CPA6: variants seen among roughly 807,000 people sequenced by gnomAD.
The protein encoded by CPA6 is carboxypeptidase A6, also known as carboxypeptidase B.
CPA6 carries 58 observed loss-of-function variants against 63.3 expected under a neutral mutation model. The observed-to-expected ratio is 0.92, with a 90% CI of 0.74 to 1.14. The LOEUF (loss-of-function observed/expected upper bound fraction) is 1.14, where lower values mean the gene tolerates loss of function less well. Among genes scored for constraint, CPA6 ranks in the 50% most tolerant of loss-of-function variants. The pLI, the probability that CPA6 is intolerant of heterozygous loss-of-function variation, is 0.00. For synonymous variants in CPA6, 185 were observed against 179.0 expected (o/e 1.03, Z -0.27); for missense variants, 565 against 526.6 (o/e 1.07, Z -0.71).
At chr8:67,462,064 T>G (rs1350910540) in intron 8 of CPA6, among the ~76,000 whole-genome samples, 1 of 152,108 alleles carries the variant, frequency 6.6e-6, no homozygotes, top group Non-Finnish European at 1.5e-5. Context: ...GAATGGCCAA[T>G]GGACATACAT....
rs186593810 is a variant in CPA6, at chr8:67,571,722, C to T, written c.192+52454G>A. 4.6e-4 allele frequency among the ~76,000 whole-genome samples: 70 copies of T among 152,042 alleles called. 1 individual carries two copies. The highest frequency in any genetic ancestry group is 2.5e-3 in the Admixed American group (38 of 15,274). The stretch of plus-strand genomic sequence containing the variant: ...GTAAGAGGAAAGTTTGTAGCAAAAA[C>T]GCCTACATCAAAAGAGAAGAATGTT... On this transcript the variant is annotated intron_variant, in intron 2 of 10. Coordinates refer to ENST00000297770, the MANE Select transcript of CPA6 (RefSeq NM_020361.5).
intron 2 of CPA6, among the ~76,000 whole-genome samples, chr8:67,552,406 C>T (rs1200681196): frequency 6.6e-6 from 1 of 152,130 alleles, no homozygotes; most frequent in African/African-American, 2.4e-5. Flanking sequence ...AGTATAGGTG[C>T]TCAATATATA....
chr8:67,598,296 G>A (rs1263843306), intron 2 of CPA6, among the ~76,000 whole-genome samples: 1 of 152,046 alleles, frequency 6.6e-6, no homozygotes, highest in Non-Finnish European at 1.5e-5. Context: ...TTATTACCTT[G>A]CTTGCTTTTT....
chr8:67,682,000 G>GA (rs901054440), intron 1 of CPA6, among the ~76,000 whole-genome samples: 15 of 152,110 alleles, frequency 9.9e-5, no homozygotes, highest in African/African-American at 3.4e-4. Context: ...AATTCAGGGG[G>GA]AAAAAACCTG....
At chr8:67,712,951 A>G (rs753867869) in intron 1 of CPA6, among the ~76,000 whole-genome samples, 10 of 151,180 alleles carry the variant, frequency 6.6e-5, no homozygotes, top group African/African-American at 2.2e-4. Context: ...CCCTTATTTC[A>G]CTCAATAATA....
chr8:67,580,294 C>CGAGAGG, intron 2 of CPA6, among the ~76,000 whole-genome samples: 1 of 152,270 alleles, frequency 6.6e-6, no homozygotes, highest in Non-Finnish European at 1.5e-5. Flanking sequence ...GGAAGTGGTA[C>CGAGAGG]GAGAGGGTGG....
intron 1 of CPA6, among the ~76,000 whole-genome samples, chr8:67,665,778 C>T (rs1816213762): frequency 1.3e-5 from 2 of 152,128 alleles, no homozygotes; most frequent in South Asian, 2.1e-4. Flanking sequence ...TCCAAAAGCT[C>T]GGGGTATAAT....
At chr8:67,548,418 AT>A (rs1812870480) in intron 2 of CPA6, among the ~76,000 whole-genome samples, 1 of 150,370 alleles carries the variant, frequency 6.7e-6, no homozygotes, top group Non-Finnish European at 1.5e-5. Context: ...TGCCTGGCTA[AT>A]ATTTTTTTTG....
intron 6 of CPA6, among the ~76,000 whole-genome samples, chr8:67,501,832 A>G (rs1400076958): frequency 6.6e-6 from 1 of 152,174 alleles, no homozygotes; most frequent in East Asian, 1.9e-4. Context: ...TTCTTTAAAC[A>G]TTTGGTAGAA....
Position 67,598,514 on chromosome 8 carries a change from C to T in CPA6, c.192+25662G>A, listed in dbSNP as rs1445972890. 2.6e-5 allele frequency among the ~76,000 whole-genome samples: 4 copies of T among 151,966 alleles called. No homozygotes were observed. In the South Asian group the frequency reaches 6.2e-4, roughly 24 times the overall value. ...TGGAAAAACAAAATTTTCACTTTTC[C>T]TATTTAGCAAGTAACAATCGCTACT... On this transcript the variant is annotated intron_variant, in intron 2 of 10. Coordinates refer to ENST00000297770, the MANE Select transcript of CPA6 (RefSeq NM_020361.5).
chr8:67,534,003 T>C (rs1812531359), intron 2 of CPA6, among the ~76,000 whole-genome samples: 1 of 152,174 alleles, frequency 6.6e-6, no homozygotes, highest in South Asian at 2.1e-4. Flanking sequence ...AGTTCTTGAA[T>C]GGTAAGGAAT....
intron 2 of CPA6, among the ~76,000 whole-genome samples, chr8:67,610,689 A>C (rs916878744): frequency 2.0e-5 from 3 of 152,172 alleles, no homozygotes; most frequent in Non-Finnish European, 2.9e-5. Context: ...TTCCCCATCC[A>C]GGCTCCCTTC....
At chr8:67,523,452 C>T (rs945583131) in intron 2 of CPA6, among the ~76,000 whole-genome samples, 2 of 152,106 alleles carry the variant, frequency 1.3e-5, no homozygotes, top group African/African-American at 2.4e-5. Context: ...TAGTGTGAAC[C>T]TGGGAGGCAG....
At chr8:67,463,464 A>G (rs1411231527) in intron 8 of CPA6, among the ~76,000 whole-genome samples, 1 of 137,112 alleles carries the variant, frequency 7.3e-6, no homozygotes, top group East Asian at 2.1e-4. Context: ...ATAAATAAAT[A>G]AATAAATAAA....
chr8:67,615,924 G>A (rs549937658), intron 2 of CPA6, among the ~76,000 whole-genome samples: 29 of 152,330 alleles, frequency 1.9e-4, no homozygotes, highest in African/African-American at 5.8e-4. Flanking sequence ...GAGCTAAGGC[G>A]CTTAGGTGAG....
chr8:67,650,298 A>G (rs1815806628), intron 1 of CPA6, among the ~76,000 whole-genome samples: 1 of 152,146 alleles, frequency 6.6e-6, no homozygotes, highest in Admixed American at 6.5e-5. Context: ...AAATTACAAT[A>G]GAAAATTATT....
intron 2 of CPA6, among the ~76,000 whole-genome samples, chr8:67,565,170 C>T (rs5892085): frequency 0.18 from 10,630 of 60,618 alleles, 652 homozygotes; most frequent in African/African-American, 0.22. Context: ...CTTTTTCTTT[C>T]TTTTTTTTTT....
At chr8:67,677,026 A>G (rs1402507262) in intron 1 of CPA6, among the ~76,000 whole-genome samples, 1 of 152,168 alleles carries the variant, frequency 6.6e-6, no homozygotes, top group Non-Finnish European at 1.5e-5. Flanking sequence ...TAGCAGGACT[A>G]CTGCCCCGAA....
At chr8:67,698,794 A>G (rs1384329650) in intron 1 of CPA6, among the ~76,000 whole-genome samples, 3 of 152,192 alleles carry the variant, frequency 2.0e-5, no homozygotes, top group Admixed American at 6.5e-5. Flanking sequence ...TGACACCTCT[A>G]TACTATTTTA....
Sources: gnomAD v4.1 joint callset for allele counts (sites outside exome capture counted in the v4.1 genomes callset) on GRCh38, gnomAD v4.1.1 for gene constraint, MANE v1.5 for transcripts, NCBI Gene and HGNC (gene_info 2026-07-23, HGNC 2026-07-21) for gene names.